The following GCLC variants were observed in gnomAD, a reference collection of about 807,000 sequenced individuals.
GCLC encodes glutamate-cysteine ligase catalytic subunit, also known as glutamate--cysteine ligase catalytic subunit.
A neutral mutation model predicts 81.5 loss-of-function variants in GCLC; 30 were observed. The ratio of observed to expected loss-of-function variants is 0.37; its 90% confidence interval spans 0.28 to 0.50. The LOEUF is 0.50. Ranked by LOEUF, GCLC falls within the 20% of genes least tolerant of loss-of-function variation. The pLI, the probability that GCLC is intolerant of heterozygous loss-of-function variation, is 0.96. For missense variants in GCLC, 556 were observed against 777.4 expected, an observed-to-expected ratio of 0.72 and a Z score of 3.39; for synonymous variants, 262 against 273.3, an observed-to-expected ratio of 0.96 and a Z score of 0.41.
intron 12 of GCLC, among the ~76,000 whole-genome samples, chr6:53,504,767 C>A (rs979866634): frequency 2.6e-5 from 4 of 152,182 alleles, no homozygotes; most frequent in Non-Finnish European, 5.9e-5. Flanking sequence ...TACCCTACTT[C>A]TCCATTCTCT....
Position 53,505,458 on chromosome 6 carries a change from C to T in GCLC, c.1329G>A (p.Val443=), listed in dbSNP as rs779262117. ...TCACTCTGGTGAGCAGTACCACAAA[C>T]ACCACATAGGCAGAGTTCTCAAAGT... ...LTDFENSAYV[V]FVVLLTRVIL... is the part of the protein sequence containing the mutation. The change falls in exon 12 of 16, where the codon GTG becomes GTA. Residue 443 remains valine, a synonymous_variant. Transcript: ENST00000650454. 3.7e-6 allele frequency: 6 copies of T among 1,606,744 alleles called. No individual in the cohort carries two copies. The South Asian group carries it at 6.6e-5, about 18-fold the overall frequency.
intron 3 of GCLC, 107 bp downstream of exon 3, chr6:53,520,671 C>CG: frequency 2.2e-6 from 2 of 901,032 alleles, no homozygotes; most frequent in Non-Finnish European, 3.7e-6. Flanking sequence ...GATAAACCAT[C>CG]TGTAACGTAT....
chr6:53,507,546 C>T lies in GCLC; in HGVS notation c.1018G>A (p.Gly340Ser). ...AAGTCGATGTCATTATATTTCTCAC[C>T]ACACTTAGATAAATAGCTGTCTATT... is the stretch of plus-strand genomic sequence containing the variant. ...DSIDSYLSKC[G>S]EKYNDIDLTI... Residue 340 changes from glycine (G) to serine (S), a missense_variant, in exon 9 of 16, where the codon GGT becomes AGT. By Grantham distance (56) the Gly-to-Ser change is moderately conservative. Transcript: ENST00000650454. 2 of 1,593,304 alleles carry T rather than the reference C, an allele frequency of 1.3e-6. No individual in the cohort carries two copies. Among genetic ancestry groups the T allele is most frequent in the Non-Finnish European group, 1.7e-6 (2 of 1,161,380 alleles).
intron 15 of GCLC, 54 bp from the exon 16 acceptor site, chr6:53,499,021 T>TA (rs912749146): frequency 2.9e-5 from 31 of 1,087,384 alleles, no homozygotes; most frequent in Non-Finnish European, 4.3e-5. Flanking sequence ...GTTTTTTTTT[T>TA]AATAAGTTGA....
chr6:53,539,452 C>A (rs79615292), intron 1 of GCLC, among the ~76,000 whole-genome samples: 3,328 of 152,268 alleles, frequency 0.022, 129 homozygotes, highest in African/African-American at 0.077. Flanking sequence ...GTAAGACAAT[C>A]CACTTCAGCC....
intron 1 of GCLC, among the ~76,000 whole-genome samples, chr6:53,532,455 T>A (rs566392076): frequency 1.3e-5 from 2 of 152,294 alleles, no homozygotes; most frequent in South Asian, 4.1e-4. Context: ...TCTATTTGAG[T>A]AGTGGAGCCA....
At chr6:53,520,987 A>G (rs1253576482) in intron 2 of GCLC, 27 bp from the exon 3 acceptor site, 3 of 1,576,730 alleles carry the variant, frequency 1.9e-6, no homozygotes, top group Admixed American at 1.7e-5. Context: ...ACTTAGTTCC[A>G]TCTTATTCTT....
At chr6:53,532,140 G>A (rs1292965578) in intron 1 of GCLC, among the ~76,000 whole-genome samples, 2 of 152,158 alleles carry the variant, frequency 1.3e-5, no homozygotes, top group Non-Finnish European at 2.9e-5. Flanking sequence ...GCTATCAATA[G>A]GAAGATACTA....
In GCLC at chr6:53,514,465, C is replaced by T. The variant is rs1764823749; in HGVS notation, c.593G>A (p.Gly198Glu). The T allele has an allele frequency of 6.2e-7, 1 of 1,613,436 alleles. No homozygotes were observed. The change falls in exon 5 of 16, where the codon GGA becomes GAA. Residue 198 changes from glycine to glutamate, a missense_variant. By Grantham distance (98) the Gly-to-Glu change is moderately conservative (BLOSUM62 -2). Coordinates refer to ENST00000650454, the MANE Select transcript of GCLC (RefSeq NM_001498.4). ...TGGTACATTGATGACAACCTTTTCT[C>T]CTCTCCTATGTCGGATATTTCTTGT... ...TLTRNIRHRR[G>E]EKVVINVPIF...
intron 1 of GCLC, among the ~76,000 whole-genome samples, chr6:53,540,032 T>C (rs1207414121): frequency 2.6e-5 from 4 of 152,222 alleles, no homozygotes; most frequent in Admixed American, 2.0e-4. Context: ...CTGTGAACCA[T>C]AGTAAGAAAT....
chr6:53,544,773 G>T lies in GCLC; in HGVS notation c.-128C>A. On this transcript the variant is annotated 5_prime_UTR_variant, in exon 1 of 16. Coordinates refer to ENST00000650454, the MANE Select transcript of GCLC (RefSeq NM_001498.4). ...CACCCCGCGGGGGCGCTCTCGGGCC[G>T]CAGTCGGCGGAGGGAGGGTCCTGCC... 2 of 919,342 alleles carry T rather than the reference G, an allele frequency of 2.2e-6. No homozygotes were observed. Among genetic ancestry groups the T allele is most frequent in the East Asian group, 3.0e-5 (1 of 33,566 alleles). 56.9% of individuals were successfully genotyped at this position (919,342 alleles called of 1,614,324 possible). A position where few individuals can be genotyped will look rare whatever the true frequency, so the allele number is the denominator to read the frequency against.
At chr6:53,505,959 C>A in intron 10 of GCLC, 64 bp from the exon 11 acceptor site, 1 of 906,492 alleles carries the variant, frequency 1.1e-6, no homozygotes, top group South Asian at 1.3e-5. Context: ...TTAAGATGAT[C>A]TGGTATTTAA....
chr6:53,527,481 G>A (rs656026), intron 1 of GCLC, among the ~76,000 whole-genome samples: 2,854 of 152,222 alleles, frequency 0.019, 83 homozygotes, highest in African/African-American at 0.064. Context: ...TGCTGGACAC[G>A]CTCCCTGCCC....
At chr6:53,533,858 A>G (rs929388848) in intron 1 of GCLC, among the ~76,000 whole-genome samples, 1 of 151,172 alleles carries the variant, frequency 6.6e-6, no homozygotes, top group Non-Finnish European at 1.5e-5. Flanking sequence ...GCAATGGCGC[A>G]ATCTCAGGTC....
At chr6:53,508,043 A>G (rs1764650439) in intron 8 of GCLC, among the ~76,000 whole-genome samples, 1 of 152,200 alleles carries the variant, frequency 6.6e-6, no homozygotes, top group African/African-American at 2.4e-5. Flanking sequence ...TGAGAATATC[A>G]AAACCACTTA....
chr6:53,541,197 C>T (rs1336569592), intron 1 of GCLC, among the ~76,000 whole-genome samples: 1 of 151,960 alleles, frequency 6.6e-6, no homozygotes, highest in African/African-American at 2.4e-5. Flanking sequence ...GCCTGGGTGA[C>T]AAGAGCGAGA....
intron 3 of GCLC, among the ~76,000 whole-genome samples, chr6:53,517,075 A>G (rs1385197239): frequency 2.9e-5 from 3 of 104,726 alleles, no homozygotes; most frequent in African/African-American, 3.8e-5. Flanking sequence ...TCTTTTAAAA[A>G]AAAATTTTTT....
Position 53,542,793 on chromosome 6 carries a change from A to ATC in GCLC, c.150+1702_150+1703insGA, listed in dbSNP as rs11283031. Among the ~76,000 whole-genome samples the ATC allele has an allele frequency of 2.0e-5, 3 of 151,598 alleles. No homozygotes were observed. The East Asian group carries it at 5.8e-4, about 30-fold the overall frequency. On this transcript the variant is annotated intron_variant, in intron 1 of 15. Coordinates refer to ENST00000650454, the MANE Select transcript of GCLC (RefSeq NM_001498.4). ...CACTTTGGGAAGCCGAGGCGGGTGA[A>ATC]AAGTCAGGAGTTTGAGATCACCCTG...
chr6:53,498,296 C>T lies in GCLC; in HGVS notation c.*460G>A, dbSNP rs1048859737. On this transcript the variant is annotated 3_prime_UTR_variant, in exon 16 of 16. Transcript: ENST00000650454. The stretch of plus-strand genomic sequence containing the variant: ...ATGGATTCAAGTGATTTAATGTAGA[C>T]AACAAAGGAAATGACAAAGGAAAAT... 5.6e-6 allele frequency: 1 copy of T among 177,196 alleles called. No homozygotes were observed. Among genetic ancestry groups the T allele is most frequent in the Non-Finnish European group, 1.2e-5 (1 of 83,194 alleles). The allele number at this position is 177,196 out of a possible 1,614,324, so 11.0% of individuals were successfully genotyped here. A position where few individuals can be genotyped will look rare whatever the true frequency, so the allele number is the denominator to read the frequency against.
Sources: allele counts gnomAD v4.1 joint callset (sites outside exome capture counted in the v4.1 genomes callset), GRCh38; gene constraint gnomAD v4.1.1; transcripts MANE v1.5; gene names NCBI Gene and HGNC (gene_info 2026-07-23, HGNC 2026-07-21).